Variants in AKAP19 observed in about 807,000 individuals in gnomAD.
AKAP19 encodes A-kinase anchoring protein 19, also known as small A-kinase anchoring protein.
chr2:190,178,116 T>C, the AKAP19 span, among the ~76,000 whole-genome samples: 1 of 152,274 alleles, frequency 6.6e-6, no homozygotes, highest in Admixed American at 6.5e-5. The surrounding 1 kb of genome is among the most constrained non-coding windows in gnomAD (Gnocchi z 6.3). Context: ...AGTTCTTGGT[T>C]CCTGTTGCCT....
chr2:190,003,059 C>A, the AKAP19 span, among the ~76,000 whole-genome samples: 3 of 151,714 alleles, frequency 2.0e-5, no homozygotes, highest in South Asian at 6.2e-4. Flanking sequence ...AGTTTTATTC[C>A]TAAATGATAG....
the AKAP19 span, among the ~76,000 whole-genome samples, chr2:189,934,388 T>C: frequency 6.6e-6 from 1 of 152,076 alleles, no homozygotes; most frequent in Non-Finnish European, 1.5e-5. Flanking sequence ...ATAATTGTAA[T>C]TGGCCTTTAT....
chr2:190,105,843 TGTTTATCACACTAAACAGAATTCCTTG>T, the AKAP19 span, among the ~76,000 whole-genome samples: 1 of 152,226 alleles, frequency 6.6e-6, no homozygotes, highest in Non-Finnish European at 1.5e-5. Context: ...TTTGTAAATC[TGTTTATCACACTAAACAGAATTCCTTG>T]GGGTTAGGGC....
At chr2:189,927,843 C>T in the AKAP19 span, among the ~76,000 whole-genome samples, 8 of 152,142 alleles carry the variant, frequency 5.3e-5, no homozygotes, top group African/African-American at 1.7e-4. Context: ...AATTCAGTTT[C>T]TCATTTCAGG....
the AKAP19 span, among the ~76,000 whole-genome samples, chr2:190,068,882 T>C: frequency 6.6e-6 from 1 of 152,116 alleles, no homozygotes; most frequent in Non-Finnish European, 1.5e-5. Context: ...AGTTCTCCAG[T>C]GGAGCACTGA....
the AKAP19 span, chr2:190,181,016 G>A: frequency 7.0e-5 from 69 of 985,490 alleles, no homozygotes; most frequent in Non-Finnish European, 8.2e-5. Context: ...CGGGAGCTTC[G>A]GAGACCCGCC....
chr2:189,892,370 T>C, the AKAP19 span, among the ~76,000 whole-genome samples: 4 of 152,154 alleles, frequency 2.6e-5, no homozygotes, highest in African/African-American at 9.7e-5. Flanking sequence ...TCTTCGTGGA[T>C]TTATCTACCT....
chr2:190,103,315 A>G, the AKAP19 span, among the ~76,000 whole-genome samples: 424 of 152,362 alleles, frequency 2.8e-3, no homozygotes, highest in African/African-American at 9.5e-3. Flanking sequence ...ACTCCTACTC[A>G]ACATAGTATT....
the AKAP19 span, among the ~76,000 whole-genome samples, chr2:190,115,570 C>T: frequency 4.6e-5 from 7 of 150,982 alleles, no homozygotes; most frequent in East Asian, 2.0e-4. Context: ...CCGCCCGCCT[C>T]GGCCTCCCAA....
chr2:190,116,442 A>G, the AKAP19 span, among the ~76,000 whole-genome samples: 5 of 152,112 alleles, frequency 3.3e-5, no homozygotes, highest in Non-Finnish European at 7.3e-5. Context: ...ATAAACCTAA[A>G]TGCTTCCCAC....
At chr2:190,084,051 C>G in the AKAP19 span, among the ~76,000 whole-genome samples, 1 of 151,372 alleles carries the variant, frequency 6.6e-6, no homozygotes, top group South Asian at 2.1e-4. Context: ...AGCCCTACCC[C>G]CAGAGAGTCT....
At chr2:189,971,016 G>A in the AKAP19 span, among the ~76,000 whole-genome samples, 1 of 151,702 alleles carries the variant, frequency 6.6e-6, no homozygotes, top group Non-Finnish European at 1.5e-5. Flanking sequence ...TAAGTTCTAG[G>A]GTACATGTGC....
the AKAP19 span, among the ~76,000 whole-genome samples, chr2:190,191,125 A>G: frequency 6.6e-6 from 1 of 152,100 alleles, no homozygotes; most frequent in South Asian, 2.1e-4. Flanking sequence ...TGTGACAGAC[A>G]TTTGCATACA....
the AKAP19 span, among the ~76,000 whole-genome samples, chr2:189,895,431 G>A: frequency 2.0e-5 from 3 of 152,018 alleles, no homozygotes; most frequent in African/African-American, 7.2e-5. Flanking sequence ...TTCTTATATT[G>A]CTTCACTTCT....
chr2:189,889,322 C>T, the AKAP19 span, among the ~76,000 whole-genome samples: 69 of 152,202 alleles, frequency 4.5e-4, no homozygotes, highest in Middle Eastern at 6.8e-3. Context: ...GATGTGCTGA[C>T]GCATTCGGCT....
the AKAP19 span, among the ~76,000 whole-genome samples, chr2:189,959,917 AT>A: frequency 6.6e-6 from 1 of 152,224 alleles, no homozygotes; most frequent in Non-Finnish European, 1.5e-5. Context: ...ATAATATTAA[AT>A]GGTCTTTTCA....
the AKAP19 span, among the ~76,000 whole-genome samples, chr2:190,027,284 A>G: frequency 6.6e-6 from 1 of 152,200 alleles, no homozygotes; most frequent in African/African-American, 2.4e-5. Flanking sequence ...CAGTGGAACC[A>G]TGTGGTGGCT....
At chr2:190,063,429 G>A in the AKAP19 span, among the ~76,000 whole-genome samples, 4 of 152,042 alleles carry the variant, frequency 2.6e-5, no homozygotes, top group African/African-American at 7.2e-5. Flanking sequence ...TAAAGATGCA[G>A]ATTAACATAA....
At chr2:190,092,142 A>G in the AKAP19 span, among the ~76,000 whole-genome samples, 2 of 152,218 alleles carry the variant, frequency 1.3e-5, no homozygotes, top group African/African-American at 4.8e-5. Context: ...AATATTCAAA[A>G]CACATACTTA....
Sources: allele counts gnomAD v4.1 joint callset (sites outside exome capture counted in the v4.1 genomes callset), GRCh38; gene constraint gnomAD v4.1.1; non-coding constraint Gnocchi (gnomAD v3.1); transcripts MANE v1.5; gene names NCBI Gene and HGNC (gene_info 2026-07-23, HGNC 2026-07-21).